The following SGCZ variants were observed in gnomAD, a reference collection of about 807,000 sequenced individuals.
SGCZ encodes the protein sarcoglycan zeta.
SGCZ carries 40 observed loss-of-function variants against 41.3 expected under a neutral mutation model. The observed-to-expected ratio is 0.97, with a 90% CI of 0.75 to 1.26. The LOEUF (loss-of-function observed/expected upper bound fraction) is 1.26. Among genes scored for constraint, SGCZ ranks in the 50% most tolerant of loss-of-function variants. The pLI, the probability that SGCZ is intolerant of heterozygous loss-of-function variation, is 0.00. For synonymous variants in SGCZ, 206 were observed against 137.5 expected (o/e 1.50, Z -3.49); for missense variants, 552 against 369.8 (o/e 1.49, Z -4.04).
At chr8:14,691,148 G>A (rs1808786424) in intron 1 of SGCZ, among the ~76,000 whole-genome samples, 1 of 152,104 alleles carries the variant, frequency 6.6e-6, no homozygotes, top group African/African-American at 2.4e-5. Context: ...ATAACAGGAT[G>A]TCTTTTTCTT....
In SGCZ at chr8:14,687,694, CTTTG is replaced by C. The variant is rs1585183143; in HGVS notation, c.40-132772_40-132769del. Among the ~76,000 whole-genome samples the C allele has an allele frequency of 2.6e-5, 4 of 151,550 alleles. No individual in the cohort carries two copies. The East Asian group carries it at 7.7e-4, about 29-fold the overall frequency. On this transcript the variant is annotated intron_variant, in intron 1 of 7. Transcript: ENST00000382080. Reference sequence around the variant, plus strand: ...CTTTATAGCAGCATGATTTATAGTCCTTTGGGTATATACCCAGTAATGAGATGGC... The same window carrying C: ...CTTTATAGCAGCATGATTTATAGTCCGGTATATACCCAGTAATGAGATGGC...
intron 2 of SGCZ, among the ~76,000 whole-genome samples, chr8:14,369,236 C>T (rs979593805): frequency 3.3e-5 from 5 of 151,956 alleles, no homozygotes; most frequent in Admixed American, 1.3e-4. Context: ...CAATCCAATC[C>T]AATCTATGAT....
At position 14,119,738 on chromosome 8, in the gene SGCZ, C is replaced by T. The variant is rs1409323828; in HGVS notation, c.548-11503G>A. 3.9e-5 allele frequency among the ~76,000 whole-genome samples: 6 copies of T among 152,058 alleles called. No homozygotes were observed. In the East Asian group the frequency reaches 9.6e-4, roughly 24 times the overall value. On this transcript the variant is annotated intron_variant, in intron 5 of 7. Coordinates refer to ENST00000382080, the MANE Select transcript of SGCZ (RefSeq NM_139167.4). Reference sequence around the variant, plus strand: ...CTTATTATTTTGAGATACATTCCATCAATATCTAGTTTGTTGAGAGTTTTT... The same window carrying T: ...CTTATTATTTTGAGATACATTCCATTAATATCTAGTTTGTTGAGAGTTTTT...
At position 15,106,042 on chromosome 8, in the gene SGCZ, C is replaced by T. The variant is rs73525056; in HGVS notation, c.39+131543G>A. 4.6e-3 allele frequency among the ~76,000 whole-genome samples: 694 copies of T among 152,216 alleles called. 6 individuals are homozygous for T. The highest frequency in any genetic ancestry group is 0.016 in the African/African-American group (653 of 41,546). On this transcript the variant is annotated intron_variant, in intron 1 of 7. Coordinates refer to ENST00000382080, the MANE Select transcript of SGCZ (RefSeq NM_139167.4). Reference sequence around the variant, plus strand: ...GTTTTACTTCTCTGCTTATACAAATCCCAAATTGATTAAATTATCATGACA... The same window carrying T: ...GTTTTACTTCTCTGCTTATACAAATTCCAAATTGATTAAATTATCATGACA...
chr8:15,102,253 C>A (rs544167939), intron 1 of SGCZ, among the ~76,000 whole-genome samples: 10 of 152,228 alleles, frequency 6.6e-5, no homozygotes, highest in Non-Finnish European at 1.2e-4. Context: ...CATGGAAGGT[C>A]ATGGAGGAAC....
intron 2 of SGCZ, among the ~76,000 whole-genome samples, chr8:14,392,199 T>C (rs1804803487): frequency 6.6e-6 from 1 of 152,202 alleles, no homozygotes; most frequent in Non-Finnish European, 1.5e-5. Context: ...AATGCATAGC[T>C]TGTTCTCTTT....
At chr8:14,934,501 G>T (rs1032765419) in intron 1 of SGCZ, among the ~76,000 whole-genome samples, 1 of 151,698 alleles carries the variant, frequency 6.6e-6, no homozygotes, top group Non-Finnish European at 1.5e-5. Flanking sequence ...AGCCACAGAT[G>T]AAGATATAAT....
At position 14,090,622 on chromosome 8, in the gene SGCZ, C is replaced by T. The variant is rs878916466; in HGVS notation, c.760G>A (p.Glu254Lys). ...STEGEIFLNA[E>K]TIKLGNLPTG... ...GGTAGATTTCCCAGCTTGATTGTCTCTGCATTTAAAAATATCTATGGGAAA... is the reference window on the plus strand; with the variant it reads ...GGTAGATTTCCCAGCTTGATTGTCTTTGCATTTAAAAATATCTATGGGAAA... The change falls in exon 8 of 8, where the codon GAG (glutamate) becomes AAG (lysine). Residue 254 changes from glutamate to lysine, a missense_variant. Transcript: ENST00000382080. The T allele has an allele frequency of 6.2e-7, 1 of 1,609,012 alleles. No homozygotes were observed. Among genetic ancestry groups the T allele is most frequent in the South Asian group, 1.1e-5 (1 of 90,340 alleles).
intron 1 of SGCZ, among the ~76,000 whole-genome samples, chr8:14,660,229 C>T (rs1807703268): frequency 6.6e-6 from 1 of 151,998 alleles, no homozygotes; most frequent in South Asian, 2.1e-4. Flanking sequence ...AGACACTGTT[C>T]GGTGTATGAA....
At chr8:14,095,670 T>C (rs923526405) in intron 7 of SGCZ, among the ~76,000 whole-genome samples, 3 of 152,202 alleles carry the variant, frequency 2.0e-5, no homozygotes, top group African/African-American at 4.8e-5. Flanking sequence ...GGGGATAGCA[T>C]TGAATCTATA....
chr8:14,534,759 T>G (rs546681608), intron 2 of SGCZ, among the ~76,000 whole-genome samples: 11 of 152,024 alleles, frequency 7.2e-5, no homozygotes, highest in Non-Finnish European at 1.3e-4. Flanking sequence ...AACTTTTATG[T>G]CTTTTTCAAT....
intron 1 of SGCZ, among the ~76,000 whole-genome samples, chr8:15,108,747 A>G (rs1806931997): frequency 6.6e-6 from 1 of 152,306 alleles, no homozygotes; most frequent in Admixed American, 6.5e-5. Flanking sequence ...ATCATTATTA[A>G]TATGTATTGT....
At chr8:14,239,041 TC>T (rs1049233981) in intron 3 of SGCZ, among the ~76,000 whole-genome samples, 9 of 152,020 alleles carry the variant, frequency 5.9e-5, no homozygotes, top group African/African-American at 2.2e-4. Flanking sequence ...AGTTTTTTTT[TC>T]CATAGGTGTA....
At chr8:14,631,764 A>G (rs1318196789) in intron 1 of SGCZ, among the ~76,000 whole-genome samples, 1 of 152,126 alleles carries the variant, frequency 6.6e-6, no homozygotes, top group African/African-American at 2.4e-5. Flanking sequence ...GAAGGATTAT[A>G]GAACTGAGAG....
At chr8:14,955,702 T>C (rs1248558464) in intron 1 of SGCZ, among the ~76,000 whole-genome samples, 1 of 152,348 alleles carries the variant, frequency 6.6e-6, no homozygotes, top group East Asian at 1.9e-4. Flanking sequence ...TACTTTTCTA[T>C]TGGATTATCA....
At chr8:14,927,992 C>G (rs368787649) in intron 1 of SGCZ, among the ~76,000 whole-genome samples, 28 of 152,256 alleles carry the variant, frequency 1.8e-4, no homozygotes, top group African/African-American at 5.8e-4. Flanking sequence ...CTCCTTTTTT[C>G]TGGCCTTAGC....
chr8:14,886,259 T>C (rs1804801098), intron 1 of SGCZ, among the ~76,000 whole-genome samples: 1 of 151,828 alleles, frequency 6.6e-6, no homozygotes, highest in Admixed American at 6.6e-5. Context: ...CAGATATTGT[T>C]TTCCATCCTG....
intron 1 of SGCZ, among the ~76,000 whole-genome samples, chr8:14,604,333 G>T (rs1040893475): frequency 6.6e-6 from 1 of 152,120 alleles, no homozygotes; most frequent in Non-Finnish European, 1.5e-5. Flanking sequence ...GAGGCCTAGT[G>T]TAAGCTCACC....
In SGCZ at chr8:14,109,860, T is replaced by G. The variant is rs1802320516; in HGVS notation, c.548-1625A>C. 2.0e-5 allele frequency among the ~76,000 whole-genome samples: 3 copies of G among 152,266 alleles called. No homozygotes were observed. The South Asian group carries it at 6.2e-4, about 32-fold the overall frequency. ...GGCAAACTTACTTACCAGGTTCTGC[T>G]GCAGTAAATCCCTAAGATTACAGAT... On this transcript the variant is annotated intron_variant, in intron 5 of 7. Coordinates refer to ENST00000382080, the MANE Select transcript of SGCZ (RefSeq NM_139167.4).
Sources: gnomAD v4.1 joint callset for allele counts (sites outside exome capture counted in the v4.1 genomes callset) on GRCh38, gnomAD v4.1.1 for gene constraint, MANE v1.5 for transcripts, NCBI Gene and HGNC (gene_info 2026-07-23, HGNC 2026-07-21) for gene names.